Variants in TIMM50 observed in about 807,000 individuals in gnomAD.
The protein encoded by TIMM50 is mitochondrial import inner membrane translocase subunit TIM50.
Under a neutral mutation model 49.6 loss-of-function variants are expected in TIMM50, and 34 were observed. The observed-to-expected ratio is 0.69, with a 90% CI of 0.52 to 0.91. The LOEUF is 0.91. Among genes scored for constraint, TIMM50 ranks in the 40% least tolerant of loss-of-function variants. TIMM50 has a pLI of 0.00. For missense variants in TIMM50, 458 were observed against 477.8 expected (o/e 0.96, Z 0.39); for synonymous variants, 199 against 198.4 (o/e 1.00, Z -0.03).
intron 1 of TIMM50, chr19:39,481,410 C>T (rs1163995451): frequency 4.2e-6 from 1 of 236,736 alleles, no homozygotes; most frequent in African/African-American, 2.3e-5. Context: ...GCCTTAGTTC[C>T]CCAAGCCCCA....
At chr19:39,483,178 C>T (rs763856524) in intron 4 of TIMM50, 22 bp downstream of exon 4, 5 of 1,614,090 alleles carry the variant, frequency 3.1e-6, no homozygotes, top group Non-Finnish European at 4.2e-6. Flanking sequence ...AGCACAGATT[C>T]TGGAGTCCCT....
Position 39,485,746 on chromosome 19 carries a change from A to T in TIMM50, c.431A>T (p.Tyr144Phe). Reference protein sequence around the residue: ...LLPDPLQEPYYQPPYTLVLEL... With the variant: ...LLPDPLQEPYFQPPYTLVLEL... ...CCAGACCCTCTGCAGGAACCGTACT[A>T]CCAGCCACCCTACACGCTCGTTTTG... is the stretch of plus-strand genomic sequence containing the variant. The change falls in exon 6 of 11, where the codon TAC becomes TTC. Residue 144 changes from tyrosine (Y) to phenylalanine (F), a missense_variant. Tyr to Phe is a conservative substitution (Grantham distance 22). Coordinates refer to ENST00000607714, the MANE Select transcript of TIMM50 (RefSeq NM_001001563.5). 1 of 1,613,856 alleles carries T rather than the reference A, an allele frequency of 6.2e-7. No homozygotes were observed.
chr19:39,487,641 TAG>T (rs1311748124), intron 8 of TIMM50, among the ~76,000 whole-genome samples: 1 of 152,046 alleles, frequency 6.6e-6, no homozygotes, highest in African/African-American at 2.4e-5. Flanking sequence ...GTATTTTTAG[TAG>T]AGACAGAGTT....
In TIMM50 at chr19:39,492,887, A is replaced by AAC. The variant is rs1568445559; in HGVS notation, c.*3068_*3069insCA. On this transcript the variant is annotated 3_prime_UTR_variant, in exon 11 of 11. Coordinates refer to ENST00000607714, the MANE Select transcript of TIMM50 (RefSeq NM_001001563.5). ...CTCTGTCTCCAAAAAAAAAAAAAAA[A>AAC]AAAAACAAAAAAAAAACCAGTTTGA... is the stretch of plus-strand genomic sequence containing the variant. The AAC allele has an allele frequency of 3.5e-5, 5 of 144,800 alleles. No individual in the cohort carries two copies. Among genetic ancestry groups the AAC allele is most frequent in the South Asian group, 2.1e-4 (1 of 4,672 alleles). 9.0% of individuals were successfully genotyped at this position (144,800 alleles called of 1,614,324 possible).
At chr19:39,485,371 T>A in intron 4 of TIMM50, 173 bp from the exon 5 acceptor site, 1 of 673,762 alleles carries the variant, frequency 1.5e-6, no homozygotes, top group Middle Eastern at 3.2e-4. Context: ...TAAATCTGTG[T>A]TCCTATCTGG....
rs2079550583 is a variant in TIMM50 at position 39,492,313 on chromosome 19, C to T, written c.*2493C>T. ...TGGGCAACATGGGAAGAGCCTGTCTCTTGCGGGGGGGGGAGAAGAAAGTTC... is the reference window on the plus strand; with the variant it reads ...TGGGCAACATGGGAAGAGCCTGTCTTTTGCGGGGGGGGGAGAAGAAAGTTC... On this transcript the variant is annotated 3_prime_UTR_variant, in exon 11 of 11. Coordinates refer to ENST00000607714, the MANE Select transcript of TIMM50 (RefSeq NM_001001563.5). 1 of 129,572 alleles carries T rather than the reference C, an allele frequency of 7.7e-6. No individual in the cohort carries two copies. The highest frequency in any genetic ancestry group is 7.9e-5 in the Admixed American group (1 of 12,644). The allele number at this position is 129,572 out of a possible 1,614,324, so 8.0% of individuals were successfully genotyped here. A position where few individuals can be genotyped will look rare whatever the true frequency, so the allele number is the denominator to read the frequency against.
intron 8 of TIMM50, among the ~76,000 whole-genome samples, chr19:39,487,239 A>G (rs765910250): frequency 8.6e-5 from 13 of 152,018 alleles, no homozygotes; most frequent in Non-Finnish European, 1.8e-4. Flanking sequence ...CTAGAAGTCT[A>G]TGTGATTAGC....
At chr19:39,483,611 TC>T in intron 4 of TIMM50, 1 of 161,328 alleles carries the variant, frequency 6.2e-6, no homozygotes, top group Non-Finnish European at 1.3e-5. Flanking sequence ...TAGCTGTCAA[TC>T]CTGTCACACC....
In TIMM50 at chr19:39,488,157, C is replaced by T. The variant is rs756763871; in HGVS notation, c.793C>T (p.Arg265Trp). 2.0e-5 allele frequency: 33 copies of T among 1,613,852 alleles called. No homozygotes were observed. The highest frequency in any genetic ancestry group is 1.0e-4 in the Admixed American group (6 of 60,006). ...RLQPYNGVALRPWDGNSDDRV... is the reference protein window; with the variant it reads ...RLQPYNGVALWPWDGNSDDRV... ...GCAGCCCTATAACGGCGTTGCCCTG[C>T]GGCCCTGGGACGGCAACTCTGATGA... Residue 265 changes from arginine (R) to tryptophan (W), a missense_variant, in exon 9 of 11, where the codon CGG becomes TGG. Physicochemically the swap from Arg to Trp is moderately radical, Grantham distance 101. Coordinates refer to ENST00000607714, the MANE Select transcript of TIMM50 (RefSeq NM_001001563.5).
At chr19:39,483,014 A>G (rs2079482941) in intron 3 of TIMM50, 98 bp downstream of exon 3, 11 of 1,607,896 alleles carry the variant, frequency 6.8e-6, no homozygotes, top group Non-Finnish European at 9.4e-6. Flanking sequence ...GTCTGGAGTG[A>G]GCCTTTCTTT....
intron 3 of TIMM50, 77 bp from the exon 4 acceptor site, chr19:39,483,058 T>G: frequency 6.2e-7 from 1 of 1,608,202 alleles, no homozygotes; most frequent in Non-Finnish European, 8.5e-7. Context: ...CTTGGGGTCC[T>G]GGAGATTCCT....
In TIMM50 at chr19:39,492,948, G is replaced by GC. The variant is rs2079558206; in HGVS notation, c.*3134dup. On this transcript the variant is annotated 3_prime_UTR_variant, in exon 11 of 11. Transcript: ENST00000607714. ...CTCGCCCTGCCTCCATCCCCACATTGCCCCCCACTATCCCAGTCTCTCCTA... is the reference window on the plus strand; with the variant it reads ...CTCGCCCTGCCTCCATCCCCACATTGCCCCCCCACTATCCCAGTCTCTCCTA... 1 of 138,884 alleles carries GC rather than the reference G, an allele frequency of 7.2e-6. No individual in the cohort carries two copies. The allele number at this position is 138,884 out of a possible 1,614,324, so 8.6% of individuals were successfully genotyped here.
In TIMM50 at chr19:39,486,366, T is replaced by C. The variant is rs750352283; in HGVS notation, c.598-31T>C. On this transcript the variant is annotated intron_variant, in intron 7 of 10. Transcript: ENST00000607714. ...AGATCTGGAGGACCAGGGCTCAGCC[T>C]GACCTTTTCTCGCTCCCTTCCCACC... is the stretch of plus-strand genomic sequence containing the variant. The C allele has an allele frequency of 3.7e-6, 6 of 1,613,600 alleles. No homozygotes were observed. In the South Asian group the frequency reaches 5.5e-5, roughly 15 times the overall value.
At chr19:39,485,653 T>A in intron 5 of TIMM50, 35 bp from the exon 6 acceptor site, 1 of 1,614,126 alleles carries the variant, frequency 6.2e-7, no homozygotes, top group Non-Finnish European at 8.5e-7. Context: ...CTGGCCTCCT[T>A]GTCTGAGCGC....
At chr19:39,481,414 A>C in intron 1 of TIMM50, 1 of 230,776 alleles carries the variant, frequency 4.3e-6, no homozygotes. Flanking sequence ...TAGTTCCCCA[A>C]GCCCCAGACA....
rs543410688 is a variant in TIMM50, at chr19:39,491,585, C to G, written c.*1765C>G. 4.0e-5 allele frequency: 6 copies of G among 151,084 alleles called. No individual in the cohort carries two copies. Among genetic ancestry groups the G allele is most frequent in the Non-Finnish European group, 7.4e-5 (5 of 67,854 alleles). 9.4% of individuals were successfully genotyped at this position (151,084 alleles called of 1,614,324 possible). On this transcript the variant is annotated 3_prime_UTR_variant, in exon 11 of 11. Coordinates refer to ENST00000607714, the MANE Select transcript of TIMM50 (RefSeq NM_001001563.5). ...CTGTAATCCTGACACTTTGGGAGGCCGAAGCAGGAGGATTGCTTGAATCCA... is the reference window on the plus strand; with the variant it reads ...CTGTAATCCTGACACTTTGGGAGGCGGAAGCAGGAGGATTGCTTGAATCCA...
chr19:39,486,138 C>CT, intron 6 of TIMM50, 49 bp from the exon 7 acceptor site: 1 of 1,570,172 alleles, frequency 6.4e-7, no homozygotes, highest in Non-Finnish European at 8.8e-7. Context: ...CTTGGGGACT[C>CT]TGAGGACCTC....
At chr19:39,485,470 A>G (rs1195752733) in intron 4 of TIMM50, 74 bp from the exon 5 acceptor site, 6 of 1,587,810 alleles carry the variant, frequency 3.8e-6, no homozygotes, top group Non-Finnish European at 4.3e-6. Context: ...CTGGTAGATA[A>G]GAAACCCCTG....
Position 39,491,694 on chromosome 19 carries a change from T to C in TIMM50, c.*1874T>C, listed in dbSNP as rs991147520. Reference sequence around the variant, plus strand: ...GTAACGAGCCCAGCGAGGTTATGCATACCTGTAGTCCCAGCTACGTGAGAG... The same window carrying C: ...GTAACGAGCCCAGCGAGGTTATGCACACCTGTAGTCCCAGCTACGTGAGAG... On this transcript the variant is annotated 3_prime_UTR_variant, in exon 11 of 11. Coordinates refer to ENST00000607714, the MANE Select transcript of TIMM50 (RefSeq NM_001001563.5). 7.3e-5 allele frequency: 11 copies of C among 151,412 alleles called. No homozygotes were observed. The highest frequency in any genetic ancestry group is 1.3e-4 in the Admixed American group (2 of 15,202). 9.4% of individuals were successfully genotyped at this position (151,412 alleles called of 1,614,324 possible). A position where few individuals can be genotyped will look rare whatever the true frequency, so the allele number is the denominator to read the frequency against.
Sources: gnomAD v4.1 joint callset for allele counts (sites outside exome capture counted in the v4.1 genomes callset) on GRCh38, gnomAD v4.1.1 for gene constraint, MANE v1.5 for transcripts, NCBI Gene and HGNC (gene_info 2026-07-23, HGNC 2026-07-21) for gene names.